TVP23A: variants seen among roughly 807,000 people sequenced by gnomAD.
TVP23A encodes Golgi apparatus membrane protein TVP23 homolog A.
Under a neutral mutation model 31.7 loss-of-function variants are expected in TVP23A, and 21 were observed. The ratio of observed to expected loss-of-function variants is 0.66; its 90% CI spans 0.47 to 0.95. The LOEUF is 0.95. Among genes scored for constraint, TVP23A ranks in the 40% least tolerant of loss-of-function variants. TVP23A has a pLI of 0.00. For synonymous variants in TVP23A, 104 were observed against 96.0 expected (o/e 1.08, Z -0.49); for missense variants, 279 against 255.6 (o/e 1.09, Z -0.62).
chr16:10,762,879 C>CT (rs1217556613), downstream of TVP23A, among the ~76,000 whole-genome samples: 1 of 151,884 alleles, frequency 6.6e-6, no homozygotes, highest in African/African-American at 2.4e-5. Context: ...CGTGGGGAGC[C>CT]TTGGGGAAGG....
At chr16:10,780,816 G>A (rs183007249) in intron 2 of TVP23A, among the ~76,000 whole-genome samples, 11 of 151,910 alleles carry the variant, frequency 7.2e-5, no homozygotes, top group East Asian at 1.9e-4. Flanking sequence ...CGTGTCATTC[G>A]AAACAACGGT....
intron 2 of TVP23A, among the ~76,000 whole-genome samples, chr16:10,776,374 CAAAAAATA>C (rs757171676): frequency 1.0e-3 from 153 of 151,164 alleles, no homozygotes; most frequent in Non-Finnish European, 1.7e-3. Flanking sequence ...GACTCCAACT[CAAAAAATA>C]AAAAAATAAA....
At chr16:10,789,665 TAAAAAA>T (rs969812242) in intron 2 of TVP23A, among the ~76,000 whole-genome samples, 4 of 55,410 alleles carry the variant, frequency 7.2e-5, no homozygotes, top group East Asian at 5.5e-4. Flanking sequence ...CCATCTCTAC[TAAAAAA>T]AAAAAAAAAA....
intron 2 of TVP23A, among the ~76,000 whole-genome samples, chr16:10,785,088 C>A (rs1472356745): frequency 6.9e-6 from 1 of 144,396 alleles, no homozygotes; most frequent in African/African-American, 2.6e-5. Context: ...CAAAGCGAGA[C>A]TCCGTCTCAA....
intron 2 of TVP23A, among the ~76,000 whole-genome samples, chr16:10,788,324 G>A (rs1484705994): frequency 6.6e-6 from 1 of 151,922 alleles, no homozygotes; most frequent in Non-Finnish European, 1.5e-5. Context: ...GCCCAGGTTG[G>A]AGTGCAGTGG....
chr16:10,799,900 G>C (rs1212198013), intron 2 of TVP23A, among the ~76,000 whole-genome samples: 1 of 152,044 alleles, frequency 6.6e-6, no homozygotes, highest in Non-Finnish European at 1.5e-5. Flanking sequence ...CAGAAGTCTG[G>C]AGCAGAAACC....
chr16:10,793,022 C>T (rs947765118), intron 2 of TVP23A, among the ~76,000 whole-genome samples: 2 of 152,196 alleles, frequency 1.3e-5, no homozygotes, highest in African/African-American at 4.8e-5. Flanking sequence ...GGCATGGTGG[C>T]TCCTGCCTGT....
chr16:10,798,805 A>G (rs1370383918), intron 2 of TVP23A, among the ~76,000 whole-genome samples: 3 of 152,232 alleles, frequency 2.0e-5, no homozygotes, highest in African/African-American at 7.2e-5. Context: ...CTGAGATTAC[A>G]GGCACACACC....
chr16:10,815,022 T>C (rs1034761767), intron 2 of TVP23A, among the ~76,000 whole-genome samples: 1 of 152,312 alleles, frequency 6.6e-6, no homozygotes, highest in African/African-American at 2.4e-5. Flanking sequence ...ACCCTACCTG[T>C]GGGTCCCAGC....
intron 2 of TVP23A, among the ~76,000 whole-genome samples, chr16:10,789,305 C>G (rs74702459): frequency 1.1e-3 from 165 of 152,088 alleles, no homozygotes; most frequent in African/African-American, 3.8e-3. Flanking sequence ...GAATTCCCCC[C>G]CAAGAGACAG....
At chr16:10,759,967 C>G (rs936515715), downstream of TVP23A, among the ~76,000 whole-genome samples, 1 of 152,198 alleles carries the variant, frequency 6.6e-6, no homozygotes, top group East Asian at 1.9e-4. The surrounding 1 kb of genome is among the most constrained non-coding windows in gnomAD (Gnocchi z 4.7). Flanking sequence ...GTCACTACAC[C>G]TGACAGTGAC....
downstream of TVP23A, chr16:10,764,955 T>A (rs2030644914): frequency 5.6e-6 from 1 of 179,318 alleles, no homozygotes; most frequent in African/African-American, 2.4e-5. Flanking sequence ...CGAGGAAAGC[T>A]GGGCACAGCC....
At chr16:10,764,765 G>A (rs2719650), downstream of TVP23A, among the ~76,000 whole-genome samples, 436 of 136,510 alleles carry the variant, frequency 3.2e-3, no homozygotes, top group African/African-American at 0.012. Flanking sequence ...ATGTCAGTCT[G>A]TTGGAGCATC....
intron 4 of TVP23A, among the ~76,000 whole-genome samples, 198 bp downstream of exon 4, chr16:10,773,841 G>C (rs899655495): frequency 6.6e-6 from 1 of 152,220 alleles, no homozygotes; most frequent in Admixed American, 6.5e-5. Context: ...AAAGTGCTGG[G>C]ATTGCAGGCG....
chr16:10,815,408 T>TCAAAAA lies in TVP23A; in HGVS notation c.89+2689_89+2694dup, dbSNP rs1174017598. ...GCGTGGGTGACAGTGAGACTCCATC[T>TCAAAAA]CAAAAACAAAAACAAAAACAAAACA... On this transcript the variant is annotated intron_variant, in intron 2 of 7. Coordinates refer to ENST00000299866, the MANE Select transcript of TVP23A (RefSeq NM_001079512.4). Among the ~76,000 whole-genome samples the TCAAAAA allele has an allele frequency of 2.0e-5, 3 of 152,120 alleles. No individual in the cohort carries two copies. In the South Asian group the frequency reaches 6.2e-4, roughly 32 times the overall value.
intron 2 of TVP23A, among the ~76,000 whole-genome samples, chr16:10,790,656 G>A (rs866881292): frequency 3.9e-5 from 6 of 152,232 alleles, no homozygotes; most frequent in Middle Eastern, 3.4e-3. Flanking sequence ...TGGAAAGTAA[G>A]TCACGATATA....
At chr16:10,808,660 C>T (rs1033365491) in intron 2 of TVP23A, 3 of 391,730 alleles carry the variant, frequency 7.7e-6, no homozygotes, top group African/African-American at 4.2e-5. Context: ...GCTTGTATTC[C>T]CAGCTACTGA....
chr16:10,757,394 G>T (rs1257759162), downstream of TVP23A, among the ~76,000 whole-genome samples: 1 of 152,196 alleles, frequency 6.6e-6, no homozygotes, highest in Non-Finnish European at 1.5e-5. This position sits in a 1 kb window ranked among gnomAD's most constrained non-coding sequence, Gnocchi z 4.1. Context: ...CTGGTACTGA[G>T]ACTTAAGGTA....
At chr16:10,787,592 T>C (rs1168576364) in intron 2 of TVP23A, among the ~76,000 whole-genome samples, 2 of 152,100 alleles carry the variant, frequency 1.3e-5, no homozygotes. Flanking sequence ...GTCACCCCGG[T>C]CCAACCAATC....
Sources: gnomAD v4.1 joint callset for allele counts (sites outside exome capture counted in the v4.1 genomes callset) on GRCh38, gnomAD v4.1.1 for gene constraint, Gnocchi (gnomAD v3.1) non-coding constraint, MANE v1.5 for transcripts, NCBI Gene and HGNC (gene_info 2026-07-23, HGNC 2026-07-21) for gene names.